The following LITAF variants were observed in gnomAD, a reference collection of about 807,000 sequenced individuals.
LITAF encodes the protein lipopolysaccharide-induced tumor necrosis factor-alpha factor.
LITAF carries 9 observed loss-of-function variants against 14.5 expected under a neutral mutation model. That is an observed-to-expected ratio of 0.62 (90% CI 0.37 to 1.08). The LOEUF (loss-of-function observed/expected upper bound fraction) is 1.08, where lower values mean the gene tolerates loss of function less well. LITAF is among the 50% of genes least tolerant of loss of function. The pLI, the probability that LITAF is intolerant of heterozygous loss-of-function variation, is 0.01. For synonymous variants in LITAF, 98 were observed against 88.2 expected, an observed-to-expected ratio of 1.11 and a Z score of -0.62; for missense variants, 206 against 213.4, an observed-to-expected ratio of 0.97 and a Z score of 0.22.
chr16:11,625,572 T>C (rs912232127), intron 3 of LITAF, among the ~76,000 whole-genome samples: 3 of 151,994 alleles, frequency 2.0e-5, no homozygotes, highest in African/African-American at 7.2e-5. Context: ...TCCAGATAAA[T>C]TACTTGCACC....
chr16:11,574,243 T>C (rs1184688814), intron 1 of LITAF, among the ~76,000 whole-genome samples: 2 of 151,574 alleles, frequency 1.3e-5, no homozygotes, highest in African/African-American at 4.9e-5. Context: ...GGTCTCAGTA[T>C]GTTGACCAAG....
chr16:11,627,320 T>G (rs954203727), intron 3 of LITAF, among the ~76,000 whole-genome samples: 1 of 152,184 alleles, frequency 6.6e-6, no homozygotes, highest in East Asian at 1.9e-4. Context: ...TGCCAGCAGG[T>G]AGAGCAAGCC....
intron 3 of LITAF, among the ~76,000 whole-genome samples, chr16:11,624,399 T>C (rs1450562996): frequency 6.6e-6 from 1 of 152,170 alleles, no homozygotes; most frequent in African/African-American, 2.4e-5. Flanking sequence ...GCAATAGAAT[T>C]CATGATAACA....
upstream of LITAF, chr16:11,587,428 A>C (rs954855719): frequency 2.2e-6 from 1 of 453,894 alleles, no homozygotes; most frequent in Admixed American, 2.3e-5. Context: ...CGGACAGACC[A>C]AGACACTCTC....
chr16:11,589,796 T>G (rs1289491085), upstream of LITAF, among the ~76,000 whole-genome samples: 1 of 147,620 alleles, frequency 6.8e-6, no homozygotes, highest in Non-Finnish European at 1.5e-5. Flanking sequence ...TTTTTTTTTG[T>G]AATTTTTTGT....
rs2064813175 is a variant in LITAF, at chr16:11,586,812, C to T, written c.-6+74G>A. ...AGGGCTCAGTGCCCGGGGCCCCCAG[C>T]AGGTGCTGGCGCCACCGGCCCCCCG... On this transcript the variant is annotated intron_variant, in intron 1 of 3. Transcript: ENST00000622633. The surrounding 1 kb of genome is among the most constrained non-coding windows in gnomAD (Gnocchi z 6.5). 1 of 151,808 alleles carries T rather than the reference C, an allele frequency of 6.6e-6. No individual in the cohort carries two copies. Among genetic ancestry groups the T allele is most frequent in the South Asian group, 1.9e-4 (1 of 5,398 alleles). The allele number at this position is 151,808 out of a possible 1,614,324, so 9.4% of individuals were successfully genotyped here. A position where few individuals can be genotyped will look rare whatever the true frequency, so the allele number is the denominator to read the frequency against.
intron 1 of LITAF, among the ~76,000 whole-genome samples, chr16:11,584,715 A>C (rs1011718719): frequency 6.6e-6 from 1 of 152,190 alleles, no homozygotes; most frequent in Admixed American, 6.5e-5. Context: ...AGCAAGCACC[A>C]GCTTTTTCGC....
chr16:11,632,580 G>C lies in LITAF; in HGVS notation c.85+953C>G, dbSNP rs1166758000. Among the ~76,000 whole-genome samples, 5 of 152,354 alleles carry C rather than the reference G, an allele frequency of 3.3e-5. No homozygotes were observed. The South Asian group carries it at 6.2e-4, about 19-fold the overall frequency. ...CCGGCCCCTGTGGGCTCTTTGGCCT[G>C]CGCTCCCTGGCACGTGGGATCCCTT... On this transcript the variant is annotated intron_variant, in intron 3 of 3. Coordinates refer to the LITAF transcript ENST00000574848. This position sits in a 1 kb window ranked among gnomAD's most constrained non-coding sequence, Gnocchi z 4.8.
At chr16:11,551,751 G>T in intron 3 of LITAF, 1 of 686,078 alleles carries the variant, frequency 1.5e-6, no homozygotes, top group Non-Finnish European at 2.7e-6. Flanking sequence ...CGGATTGCAG[G>T]AGCCCAGGAG....
At chr16:11,579,807 C>A (rs8052020) in intron 1 of LITAF, among the ~76,000 whole-genome samples, 24,743 of 152,078 alleles carry the variant, frequency 0.16, 2,135 homozygotes, top group South Asian at 0.23. Flanking sequence ...TTCAGGGATC[C>A]CACTTATAAA....
intron 1 of LITAF, among the ~76,000 whole-genome samples, chr16:11,562,183 A>G (rs898682715): frequency 6.6e-6 from 1 of 151,730 alleles, no homozygotes; most frequent in African/African-American, 2.4e-5. Context: ...AGCCTCTCAA[A>G]GTGCTGGGAT....
chr16:11,588,732 C>T (rs907932893), upstream of LITAF, among the ~76,000 whole-genome samples: 4 of 152,022 alleles, frequency 2.6e-5, no homozygotes, highest in African/African-American at 9.7e-5. Flanking sequence ...TATCACAGAC[C>T]ATTGCTAGGG....
At chr16:11,554,112 G>T (rs2064228950) in intron 2 of LITAF, among the ~76,000 whole-genome samples, 1 of 152,080 alleles carries the variant, frequency 6.6e-6, no homozygotes, top group Non-Finnish European at 1.5e-5. Context: ...CACGCCTGTA[G>T]TCCCAGCTAC....
At position 11,579,452 on chromosome 16, in the gene LITAF, C is replaced by T. The variant is rs967644549; in HGVS notation, c.-6+7434G>A. Among the ~76,000 whole-genome samples the T allele has an allele frequency of 2.1e-5, 3 of 143,810 alleles. 1 individual carries two copies. The highest frequency in any genetic ancestry group is 3.0e-5 in the Non-Finnish European group (2 of 66,514). The allele number at this position is 143,810 out of a possible 152,430, so 94.3% of individuals were successfully genotyped here. A position where few individuals can be genotyped will look rare whatever the true frequency, so the allele number is the denominator to read the frequency against. On this transcript the variant is annotated intron_variant, in intron 1 of 3. Transcript: ENST00000622633. The stretch of plus-strand genomic sequence containing the variant: ...CGGCCTGGGCGACAGAGCGAGACTC[C>T]GTCTCAAAAAATAAAATAAAATAAA...
At chr16:11,600,682 A>G (rs944885596), upstream of LITAF, among the ~76,000 whole-genome samples, 2 of 151,978 alleles carry the variant, frequency 1.3e-5, no homozygotes, top group African/African-American at 4.8e-5. This position sits in a 1 kb window ranked among gnomAD's most constrained non-coding sequence, Gnocchi z 4.1. Flanking sequence ...CCTTTTTGCA[A>G]TACTCACAAA....
intron 1 of LITAF, among the ~76,000 whole-genome samples, chr16:11,577,026 C>T (rs2064647569): frequency 6.6e-6 from 1 of 152,166 alleles, no homozygotes; most frequent in South Asian, 2.1e-4. Context: ...TGTTTCACAT[C>T]CCCTGGCTGA....
At chr16:11,577,830 T>C (rs1304125906) in intron 1 of LITAF, among the ~76,000 whole-genome samples, 3 of 152,144 alleles carry the variant, frequency 2.0e-5, no homozygotes, top group Non-Finnish European at 2.9e-5. Flanking sequence ...GCTCAAGCGA[T>C]CCTCCTCCCT....
At chr16:11,565,957 G>A (rs977183830) in intron 1 of LITAF, among the ~76,000 whole-genome samples, 7 of 151,862 alleles carry the variant, frequency 4.6e-5, no homozygotes, top group African/African-American at 1.2e-4. Context: ...TCCTCCAGGC[G>A]CCCCATGCCC....
intron 1 of LITAF, chr16:11,561,664 C>T (rs1023262842): frequency 2.6e-5 from 4 of 152,138 alleles, no homozygotes; most frequent in Admixed American, 2.6e-4. Flanking sequence ...CACAGTCTTC[C>T]CTCCCTCAGG....
Sources: allele counts gnomAD v4.1 joint callset (sites outside exome capture counted in the v4.1 genomes callset), GRCh38; gene constraint gnomAD v4.1.1; non-coding constraint Gnocchi (gnomAD v3.1); transcripts MANE v1.5; gene names NCBI Gene and HGNC (gene_info 2026-07-23, HGNC 2026-07-21).